The following ADGRB3 variants were observed in gnomAD, a reference collection of about 807,000 sequenced individuals.
ADGRB3 encodes the protein adhesion G protein-coupled receptor B3, also known as brain-specific angiogenesis inhibitor 3.
In ADGRB3, 37 loss-of-function variants were observed where a neutral mutation model predicts 193.4. The ratio of observed to expected loss-of-function variants is 0.19; its 90% CI spans 0.15 to 0.25. The LOEUF (loss-of-function observed/expected upper bound fraction) is 0.25, where lower values mean the gene tolerates loss of function less well. Among genes scored for constraint, ADGRB3 ranks in the 10% least tolerant of loss-of-function variants. The pLI, the probability that ADGRB3 is intolerant of heterozygous loss-of-function variation, is 1.00. For synonymous variants in ADGRB3, 690 were observed against 644.2 expected (o/e 1.07, Z -1.08); for missense variants, 1,637 against 1,852.9 (o/e 0.88, Z 2.14).
At chr6:69,156,574 T>G (rs551302742) in intron 17 of ADGRB3, among the ~76,000 whole-genome samples, 1 of 151,996 alleles carries the variant, frequency 6.6e-6, no homozygotes, top group South Asian at 2.1e-4. Flanking sequence ...TAGTAAGGAG[T>G]AGGGATATGT....
intron 13 of ADGRB3, among the ~76,000 whole-genome samples, chr6:69,026,615 G>T (rs1770438948): frequency 6.6e-6 from 1 of 152,148 alleles, no homozygotes; most frequent in African/African-American, 2.4e-5. Context: ...CCTAAGAAAT[G>T]CATCCTTAGA....
intron 3 of ADGRB3, among the ~76,000 whole-genome samples, chr6:68,712,837 TTTCAGAG>T (rs1205766582): frequency 6.6e-6 from 1 of 151,978 alleles, no homozygotes; most frequent in African/African-American, 2.4e-5. Context: ...CAGCTTTAGT[TTTCAGAG>T]TTCAAAGTTT....
chr6:69,164,787 C>T (rs1775089462), intron 17 of ADGRB3, among the ~76,000 whole-genome samples: 1 of 152,070 alleles, frequency 6.6e-6, no homozygotes, highest in South Asian at 2.1e-4. Flanking sequence ...AAGGGGGAGG[C>T]ACAGCAGTTA....
chr6:68,771,403 C>T (rs984603365), intron 3 of ADGRB3, among the ~76,000 whole-genome samples: 1 of 151,816 alleles, frequency 6.6e-6, no homozygotes, highest in Admixed American at 6.6e-5. Flanking sequence ...CACACACACA[C>T]ACACACACAT....
chr6:68,813,791 G>C (rs57581423), intron 3 of ADGRB3, among the ~76,000 whole-genome samples: 5,323 of 152,176 alleles, frequency 0.035, 303 homozygotes, highest in African/African-American at 0.12. Context: ...CCACCTGTGA[G>C]TGAGAACATG....
At chr6:69,317,353 A>G (rs1358496176) in intron 20 of ADGRB3, among the ~76,000 whole-genome samples, 1 of 151,404 alleles carries the variant, frequency 6.6e-6, no homozygotes, top group East Asian at 1.9e-4. Context: ...TTTAATACAT[A>G]CACTTGTTCC....
chr6:68,741,897 C>A (rs1379432766), intron 3 of ADGRB3, among the ~76,000 whole-genome samples: 1 of 152,148 alleles, frequency 6.6e-6, no homozygotes, highest in African/African-American at 2.4e-5. Flanking sequence ...GCTAAATATG[C>A]AAATTCATTA....
intron 17 of ADGRB3, among the ~76,000 whole-genome samples, chr6:69,097,677 T>G (rs777283095): frequency 1.3e-5 from 2 of 150,220 alleles, no homozygotes; most frequent in Non-Finnish European, 3.0e-5. Flanking sequence ...TATGTCTCTG[T>G]GTATATGTGT....
At chr6:68,649,154 AT>A (rs1239140860) in intron 3 of ADGRB3, among the ~76,000 whole-genome samples, 5 of 152,140 alleles carry the variant, frequency 3.3e-5, no homozygotes, top group Non-Finnish European at 4.4e-5. Context: ...AGAGCTATAA[AT>A]TTTCTCACTC....
Position 68,639,110 on chromosome 6 carries a change from G to C in ADGRB3, c.435G>C (p.Gly145=), listed in dbSNP as rs757769690. 4 of 1,614,152 alleles carry C rather than the reference G, an allele frequency of 2.5e-6. No homozygotes were observed. Among genetic ancestry groups the C allele is most frequent in the Non-Finnish European group, 3.4e-6 (4 of 1,180,016 alleles). ...PTNFPGLQKK[G]EEDQKSFFEF... ...ATTTCCCAGGATTACAGAAAAAAGG[G>C]GAAGAAGATCAGAAATCTTTTTTTG... The change falls in exon 3 of 32, where the codon GGG becomes GGC. Residue 145 remains glycine, a synonymous_variant. Coordinates refer to ENST00000370598, the MANE Select transcript of ADGRB3 (RefSeq NM_001704.3).
chr6:69,192,587 A>G (rs1765215422), intron 17 of ADGRB3, among the ~76,000 whole-genome samples: 1 of 152,166 alleles, frequency 6.6e-6, no homozygotes, highest in South Asian at 2.1e-4. Context: ...TCTTATCTAT[A>G]GTAATATAAA....
chr6:69,299,982 A>G (rs533641449), intron 20 of ADGRB3, among the ~76,000 whole-genome samples: 1 of 151,930 alleles, frequency 6.6e-6, no homozygotes, highest in South Asian at 2.1e-4. Context: ...TTGTGTGGAC[A>G]TATTAACAAT....
At chr6:68,700,264 G>A (rs1176297109) in intron 3 of ADGRB3, among the ~76,000 whole-genome samples, 1 of 152,078 alleles carries the variant, frequency 6.6e-6, no homozygotes, top group Admixed American at 6.6e-5. Flanking sequence ...CTTTAAGAAG[G>A]CATTAAATAA....
chr6:68,654,499 T>G (rs936533479), intron 3 of ADGRB3, among the ~76,000 whole-genome samples: 1 of 151,740 alleles, frequency 6.6e-6, no homozygotes, highest in African/African-American at 2.4e-5. Flanking sequence ...ACTTTCTGCT[T>G]TTTTTTTCTT....
intron 20 of ADGRB3, among the ~76,000 whole-genome samples, chr6:69,295,508 A>G (rs1767795173): frequency 1.3e-5 from 2 of 152,146 alleles, no homozygotes; most frequent in Non-Finnish European, 2.9e-5. Context: ...TGCCCAGGAT[A>G]TTGATGGAAA....
intron 17 of ADGRB3, among the ~76,000 whole-genome samples, chr6:69,165,425 C>T (rs1010315501): frequency 6.6e-6 from 1 of 151,680 alleles, no homozygotes. Context: ...TCACTTTACA[C>T]CCCGGCAAAA....
At chr6:69,098,424 T>C (rs1772945550) in intron 17 of ADGRB3, among the ~76,000 whole-genome samples, 1 of 152,230 alleles carries the variant, frequency 6.6e-6, no homozygotes, top group Non-Finnish European at 1.5e-5. Flanking sequence ...AGTCCATTTT[T>C]ACTCTACTAT....
At chr6:68,655,728 T>C (rs1296198990) in intron 3 of ADGRB3, among the ~76,000 whole-genome samples, 1 of 151,702 alleles carries the variant, frequency 6.6e-6, no homozygotes, top group Non-Finnish European at 1.5e-5. Context: ...CACTTTTTCC[T>C]TTTAAAATGG....
At chr6:68,845,587 AT>A (rs1768257262) in intron 3 of ADGRB3, among the ~76,000 whole-genome samples, 1 of 152,142 alleles carries the variant, frequency 6.6e-6, no homozygotes, top group Non-Finnish European at 1.5e-5. Context: ...GGTCTTTCTC[AT>A]GCTATTCTTG....
Sources: allele counts gnomAD v4.1 joint callset (sites outside exome capture counted in the v4.1 genomes callset), GRCh38; gene constraint gnomAD v4.1.1; transcripts MANE v1.5; gene names NCBI Gene and HGNC (gene_info 2026-07-23, HGNC 2026-07-21).